The following VAV3 variants were observed in gnomAD, a reference collection of about 807,000 sequenced individuals.
VAV3 encodes the protein guanine nucleotide exchange factor VAV3.
In VAV3, 94 loss-of-function variants were observed where a neutral mutation model predicts 131.2. That is an observed-to-expected ratio of 0.72 (90% CI 0.61 to 0.85). The LOEUF (loss-of-function observed/expected upper bound fraction) is 0.85. Ranked by LOEUF, VAV3 falls within the 40% of genes least tolerant of loss-of-function variation. The pLI is 0.00. For synonymous variants in VAV3, 349 were observed against 342.0 expected, an observed-to-expected ratio of 1.02 and a Z score of -0.22; for missense variants, 939 against 1,002.7, an observed-to-expected ratio of 0.94 and a Z score of 0.86.
rs199669826 is a variant in VAV3 at position 107,758,406 on chromosome 1, C to CA, written c.1018-1078dup. ...GCAACATGACAAGACCCCATCTCTA[C>CA]AAAAAAAAATTAAAAATTAGCTGGG... On this transcript the variant is annotated intron_variant, in intron 10 of 26. Transcript: ENST00000370056. 5.0e-4 allele frequency among the ~76,000 whole-genome samples: 75 copies of CA among 151,066 alleles called. 3 individuals carry two copies. In the East Asian group the frequency reaches 5.8e-3, roughly 12 times the overall value.
chr1:107,901,505 G>A (rs1671853754), intron 1 of VAV3, among the ~76,000 whole-genome samples: 1 of 152,104 alleles, frequency 6.6e-6, no homozygotes, highest in South Asian at 2.1e-4. Context: ...ACTAAACATG[G>A]TACAACAATC....
intron 4 of VAV3, 103 bp downstream of exon 4, chr1:107,777,128 A>G (rs1665403990): frequency 9.5e-7 from 1 of 1,053,102 alleles, no homozygotes; most frequent in Non-Finnish European, 1.5e-6. Context: ...TAATTAAGCC[A>G]CTTTTCCTCC....
At chr1:107,935,631 G>A (rs10494086) in intron 1 of VAV3, among the ~76,000 whole-genome samples, 32,817 of 152,040 alleles carry the variant, frequency 0.22, 3,803 homozygotes, top group African/African-American at 0.31. Context: ...GAAACCATCC[G>A]TGACCTGAAT....
chr1:107,699,026 T>A (rs973259376), intron 17 of VAV3, among the ~76,000 whole-genome samples: 7 of 152,196 alleles, frequency 4.6e-5, no homozygotes, highest in African/African-American at 1.7e-4. Flanking sequence ...CATATCATTC[T>A]GCTCCTGGCC....
At chr1:107,779,737 T>C (rs1218615512) in intron 2 of VAV3, among the ~76,000 whole-genome samples, 1 of 152,154 alleles carries the variant, frequency 6.6e-6, no homozygotes, top group African/African-American at 2.4e-5. Context: ...CCATTTGAGT[T>C]GCAGATTCTA....
At chr1:107,828,967 T>TC (rs1352709965) in intron 2 of VAV3, among the ~76,000 whole-genome samples, 1 of 152,172 alleles carries the variant, frequency 6.6e-6, no homozygotes, top group Admixed American at 6.5e-5. Flanking sequence ...AAAGCCCCTT[T>TC]CAGCCCTATT....
intron 25 of VAV3, among the ~76,000 whole-genome samples, chr1:107,581,752 G>T (rs1009698720): frequency 1.2e-4 from 19 of 152,174 alleles, no homozygotes; most frequent in Admixed American, 9.8e-4. Flanking sequence ...TTGTTTTAAA[G>T]TATTATGTTC....
At chr1:107,753,507 T>C (rs1400068976) in intron 12 of VAV3, among the ~76,000 whole-genome samples, 4 of 66,316 alleles carry the variant, frequency 6.0e-5, no homozygotes, top group African/African-American at 2.2e-4. Context: ...CACATATATA[T>C]ACACACATAT....
intron 15 of VAV3, among the ~76,000 whole-genome samples, chr1:107,731,575 A>C (rs1662239621): frequency 6.6e-6 from 1 of 152,224 alleles, no homozygotes; most frequent in Admixed American, 6.5e-5. Context: ...ATTTAAACTC[A>C]TTATAAGGAA....
chr1:107,839,253 C>T (rs371541597), intron 2 of VAV3, among the ~76,000 whole-genome samples: 2 of 152,100 alleles, frequency 1.3e-5, no homozygotes, highest in African/African-American at 4.8e-5. Flanking sequence ...TGACCAAATA[C>T]AAAACTGATA....
intron 2 of VAV3, among the ~76,000 whole-genome samples, chr1:107,800,568 T>C: frequency 6.6e-6 from 1 of 152,188 alleles, no homozygotes; most frequent in East Asian, 1.9e-4. Context: ...GAGGTATATG[T>C]GCAGATTTGT....
At position 107,858,047 on chromosome 1, in the gene VAV3, T is replaced by TA. The variant is rs1210373286; in HGVS notation, c.321+16853dup. Among the ~76,000 whole-genome samples, 3 of 152,186 alleles carry TA rather than the reference T, an allele frequency of 2.0e-5. No individual in the cohort carries two copies. In the East Asian group the frequency reaches 5.8e-4, roughly 29 times the overall value. ...GAACAAACTACAACCACTCTGGCAA[T>TA]AATAAATGTAATAAAGAATATGCTT... On this transcript the variant is annotated intron_variant, in intron 2 of 26. Coordinates refer to ENST00000370056, the MANE Select transcript of VAV3 (RefSeq NM_006113.5).
intron 1 of VAV3, among the ~76,000 whole-genome samples, chr1:107,911,450 T>C (rs999048886): frequency 6.6e-6 from 1 of 152,156 alleles, no homozygotes; most frequent in Non-Finnish European, 1.5e-5. Context: ...GTGTCTCCCA[T>C]AAACACAACT....
In VAV3 at chr1:107,603,104, C is replaced by T; in HGVS notation, c.2075G>A (p.Ser692Asn). 3 of 1,613,674 alleles carry T rather than the reference C, an allele frequency of 1.9e-6. No individual in the cohort carries two copies. The highest frequency in any genetic ancestry group is 2.2e-5 in the East Asian group (1 of 44,792). ...GGTCCTGTGCCTCACAAGGTAAGTA[C>T]TATTTACCCTATTAATAAGTTCGGT... ...AETELINRVN[S>N]TYLVRHRTKE... Residue 692 changes from serine to asparagine, a missense_variant, in exon 23 of 27, where the codon AGT (serine) becomes AAT (asparagine). Transcript: ENST00000370056.
intron 19 of VAV3, among the ~76,000 whole-genome samples, chr1:107,646,502 CT>C (rs1655748156): frequency 6.6e-6 from 1 of 152,000 alleles, no homozygotes; most frequent in African/African-American, 2.4e-5. Context: ...GTTCCTAAAA[CT>C]TTTATATAAT....
At chr1:107,949,568 A>G (rs1200119856) in intron 1 of VAV3, among the ~76,000 whole-genome samples, 1 of 152,132 alleles carries the variant, frequency 6.6e-6, no homozygotes, top group East Asian at 1.9e-4. Flanking sequence ...TAGCCTCCCA[A>G]AATGCTGGGA....
At chr1:107,622,293 G>A (rs935629265) in intron 20 of VAV3, among the ~76,000 whole-genome samples, 1 of 152,076 alleles carries the variant, frequency 6.6e-6, no homozygotes, top group Non-Finnish European at 1.5e-5. Flanking sequence ...AACTACTTCA[G>A]GTTTGCTGGT....
chr1:107,749,185 A>G, intron 14 of VAV3, 108 bp from the exon 15 acceptor site: 1 of 891,994 alleles, frequency 1.1e-6, no homozygotes, highest in Non-Finnish European at 1.7e-6. Context: ...TTATCAATGT[A>G]CAAACTGAAC....
At chr1:107,766,365 T>C in intron 8 of VAV3, 82 bp downstream of exon 8, 1 of 873,720 alleles carries the variant, frequency 1.1e-6, no homozygotes, top group Admixed American at 2.6e-5. Flanking sequence ...ACAGCAGTAA[T>C]AGCTATTTGT....
Sources: gnomAD v4.1 joint callset for allele counts (sites outside exome capture counted in the v4.1 genomes callset) on GRCh38, gnomAD v4.1.1 for gene constraint, MANE v1.5 for transcripts, NCBI Gene and HGNC (gene_info 2026-07-23, HGNC 2026-07-21) for gene names.